Variants in ASIC2 observed in about 807,000 individuals in gnomAD.
ASIC2 encodes acid-sensing ion channel 2.
ASIC2 carries 25 observed loss-of-function variants against 57.3 expected under a neutral mutation model. That is an observed-to-expected ratio of 0.44 (90% CI 0.32 to 0.61). The LOEUF (loss-of-function observed/expected upper bound fraction) is 0.61. ASIC2 is among the 20% of genes least tolerant of loss of function. ASIC2 has a pLI of 0.06. For synonymous variants in ASIC2, 319 were observed against 307.5 expected, an observed-to-expected ratio of 1.04 and a Z score of -0.39; for missense variants, 641 against 738.1, an observed-to-expected ratio of 0.87 and a Z score of 1.52.
intron 1 of ASIC2, among the ~76,000 whole-genome samples, chr17:33,338,808 G>A (rs1321794244): frequency 6.6e-6 from 1 of 152,172 alleles, no homozygotes; most frequent in Non-Finnish European, 1.5e-5. Context: ...AGAACACTAT[G>A]ATAAGTGGAA....
chr17:33,745,492 T>A (rs1597859064), intron 1 of ASIC2, among the ~76,000 whole-genome samples: 2 of 129,036 alleles, frequency 1.5e-5, no homozygotes, highest in African/African-American at 2.8e-5. Flanking sequence ...CCAGATACAG[T>A]AAAAATGCTG....
At chr17:33,176,253 G>C (rs141638665) in intron 1 of ASIC2, among the ~76,000 whole-genome samples, 1 of 152,142 alleles carries the variant, frequency 6.6e-6, no homozygotes, top group East Asian at 1.9e-4. Flanking sequence ...TCTGTCTCCC[G>C]CATTGGACTG....
intron 1 of ASIC2, among the ~76,000 whole-genome samples, chr17:33,776,251 G>A (rs1911274704): frequency 6.6e-6 from 1 of 152,142 alleles, no homozygotes; most frequent in Non-Finnish European, 1.5e-5. Context: ...GAGGTGAGTA[G>A]GTCCTGAGGG....
chr17:33,229,484 C>A (rs189851934), intron 1 of ASIC2, among the ~76,000 whole-genome samples: 1 of 152,154 alleles, frequency 6.6e-6, no homozygotes, highest in Non-Finnish European at 1.5e-5. Flanking sequence ...AGTGTTTCCA[C>A]CTGTGGGAGG....
chr17:33,109,818 C>T (rs1489927453), intron 2 of ASIC2, among the ~76,000 whole-genome samples: 1 of 152,228 alleles, frequency 6.6e-6, no homozygotes, highest in Admixed American at 6.5e-5. Flanking sequence ...ACTTCAAAGA[C>T]ATCATTACTT....
intron 1 of ASIC2, among the ~76,000 whole-genome samples, chr17:33,371,303 T>G (rs1909049828): frequency 1.3e-5 from 2 of 152,196 alleles, no homozygotes. Flanking sequence ...CCAGCCTCAT[T>G]TTTCCTAGCC....
intron 1 of ASIC2, among the ~76,000 whole-genome samples, chr17:33,810,214 A>G (rs1186527114): frequency 6.6e-6 from 1 of 152,246 alleles, no homozygotes; most frequent in Non-Finnish European, 1.5e-5. Context: ...TGGGTCAAAC[A>G]GTATTAGGGT....
chr17:34,130,920 C>A (rs1454582142), intron 1 of ASIC2, among the ~76,000 whole-genome samples: 1 of 152,176 alleles, frequency 6.6e-6, no homozygotes, highest in Non-Finnish European at 1.5e-5. Context: ...ATTCAATGGA[C>A]AGAGAACAAG....
chr17:33,692,247 A>G (rs1463163043), intron 1 of ASIC2: 1 of 152,102 alleles, frequency 6.6e-6, no homozygotes, highest in Non-Finnish European at 1.5e-5. Context: ...AGTTCCTATC[A>G]TTATCCTCTT....
intron 1 of ASIC2, among the ~76,000 whole-genome samples, chr17:33,408,899 A>G (rs1910559631): frequency 6.6e-6 from 1 of 152,180 alleles, no homozygotes; most frequent in African/African-American, 2.4e-5. Flanking sequence ...AGCCCAGGGA[A>G]GAGGGTGTGT....
intron 1 of ASIC2, among the ~76,000 whole-genome samples, chr17:33,430,857 A>C (rs1425476408): frequency 1.3e-5 from 2 of 152,218 alleles, no homozygotes; most frequent in Non-Finnish European, 2.9e-5. Context: ...CTAGAGACCA[A>C]AGCTCCTAAA....
intron 1 of ASIC2, among the ~76,000 whole-genome samples, chr17:33,735,398 G>C (rs953261870): frequency 5.9e-5 from 9 of 152,138 alleles, no homozygotes; most frequent in Non-Finnish European, 1.5e-5. Flanking sequence ...AAGGTTCACT[G>C]TATTATTCCT....
At chr17:33,119,068 CCTA>C (rs2092291627) in intron 1 of ASIC2, among the ~76,000 whole-genome samples, 1 of 152,138 alleles carries the variant, frequency 6.6e-6, no homozygotes, top group Admixed American at 6.5e-5. Flanking sequence ...ACGCTGTGTA[CCTA>C]CTTAAGAAAA....
intron 1 of ASIC2, among the ~76,000 whole-genome samples, chr17:33,428,227 C>A (rs192266518): frequency 1.3e-5 from 2 of 152,190 alleles, no homozygotes; most frequent in Admixed American, 1.3e-4. Flanking sequence ...TATTAGATAA[C>A]CAATGCTCCT....
intron 1 of ASIC2, among the ~76,000 whole-genome samples, chr17:33,469,052 A>G (rs1157854114): frequency 3.9e-5 from 6 of 152,228 alleles, no homozygotes; most frequent in Admixed American, 3.3e-4. Flanking sequence ...AGTTGTTTGC[A>G]ATACCTAAGT....
intron 1 of ASIC2, among the ~76,000 whole-genome samples, chr17:33,878,687 G>T (rs915085155): frequency 1.4e-4 from 21 of 152,304 alleles, no homozygotes; most frequent in African/African-American, 5.1e-4. Context: ...CACTCTGCAG[G>T]ATATTATCCA....
At chr17:33,414,286 G>A (rs867590115) in intron 1 of ASIC2, among the ~76,000 whole-genome samples, 2 of 152,208 alleles carry the variant, frequency 1.3e-5, no homozygotes, top group Admixed American at 1.3e-4. Flanking sequence ...GAGGAGGCTG[G>A]AGGGAGCAGT....
intron 1 of ASIC2, among the ~76,000 whole-genome samples, chr17:34,012,300 C>T (rs1906798396): frequency 1.3e-5 from 2 of 152,196 alleles, no homozygotes; most frequent in Non-Finnish European, 2.9e-5. Context: ...CAGTAGCTAC[C>T]TGTCTGAAGG....
upstream of ASIC2, among the ~76,000 whole-genome samples, chr17:33,295,596 A>G (rs375292893): frequency 2.0e-5 from 3 of 152,148 alleles, no homozygotes; most frequent in African/African-American, 4.8e-5. Flanking sequence ...AGCCCTTATC[A>G]TTGTTTGTGT....
Sources: allele counts gnomAD v4.1 joint callset (sites outside exome capture counted in the v4.1 genomes callset), GRCh38; gene constraint gnomAD v4.1.1; transcripts MANE v1.5; gene names NCBI Gene and HGNC (gene_info 2026-07-23, HGNC 2026-07-21).